WDR3: variants seen among roughly 807,000 people sequenced by gnomAD.
The protein encoded by WDR3 is WD repeat-containing protein 3.
In WDR3, 81 loss-of-function variants were observed where a neutral mutation model predicts 123.7. That is an observed-to-expected ratio of 0.65 (90% confidence interval 0.55 to 0.79). WDR3 has a LOEUF of 0.79. Ranked by LOEUF, WDR3 falls within the 30% of genes least tolerant of loss-of-function variation. The pLI is 0.00. For synonymous variants in WDR3, 390 were observed against 388.8 expected (o/e 1.00, Z -0.04); for missense variants, 1,027 against 1,123.2 (o/e 0.91, Z 1.22).
rs569403883 is a variant in WDR3 at position 117,937,053 on chromosome 1, C to T, written c.500+166C>T. On this transcript the variant is annotated intron_variant, in intron 4 of 26. Transcript: ENST00000349139. Reference sequence around the variant, plus strand: ...ATTTCTTCTAAGTAGTATCGTAGAGCTATCCAAAGCTATATTATTTTTAAA... The same window carrying T: ...ATTTCTTCTAAGTAGTATCGTAGAGTTATCCAAAGCTATATTATTTTTAAA... Among the ~76,000 whole-genome samples, 118 of 152,262 alleles carry T rather than the reference C, an allele frequency of 7.7e-4. 2 individuals are homozygous for T. The highest frequency in any genetic ancestry group is 7.3e-3 in the Admixed American group (112 of 15,302).
chr1:117,944,362 A>G (rs1322584508), intron 11 of WDR3, among the ~76,000 whole-genome samples: 1 of 152,168 alleles, frequency 6.6e-6, no homozygotes, highest in Non-Finnish European at 1.5e-5. Context: ...TATGACGTCT[A>G]AGTGTTAGAG....
intron 4 of WDR3, 78 bp downstream of exon 4, chr1:117,936,965 T>C (rs967823026): frequency 3.6e-5 from 45 of 1,238,580 alleles, no homozygotes; most frequent in Non-Finnish European, 4.8e-5. Flanking sequence ...ATTTCTCTCA[T>C]GAGCAGTGTG....
At position 117,952,418 on chromosome 1, in the gene WDR3, T is replaced by A. The variant is rs1409611168; in HGVS notation, c.2016+10T>A. The stretch of plus-strand genomic sequence containing the variant: ...CATACAGACTCTGGAGGTAACCACA[T>A]GCCTTCTGTGCTTGCTTGGTACTTA... On this transcript the variant is annotated intron_variant, in intron 18 of 26. Transcript: ENST00000349139. 1.1e-5 allele frequency: 17 copies of A among 1,608,356 alleles called. No individual in the cohort carries two copies. Among genetic ancestry groups the A allele is most frequent in the Admixed American group, 1.7e-5 (1 of 59,166 alleles).
chr1:117,952,817 G>T, intron 19 of WDR3, 129 bp from the exon 20 acceptor site: 1 of 1,429,910 alleles, frequency 7.0e-7, no homozygotes, highest in Non-Finnish European at 9.6e-7. Flanking sequence ...CATTTCAGAA[G>T]CTAGGCAGAG....
chr1:117,930,273 C>T (rs960403659), intron 1 of WDR3, among the ~76,000 whole-genome samples: 1 of 152,018 alleles, frequency 6.6e-6, no homozygotes, highest in African/African-American at 2.4e-5. Flanking sequence ...GTGAACAGTG[C>T]AAGTTGTATG....
At position 117,962,354 on chromosome 1, in the gene WDR3, T is replaced by C. The variant is rs900628331; in HGVS notation, c.*2907T>C. ...TTTCTAGTCATTAAGTCAGTATTCA[T>C]TGCCTTAGTCAGCCATTGGCTGTAT... On this transcript the variant is annotated 3_prime_UTR_variant, in exon 27 of 27. Transcript: ENST00000349139. 1 of 152,220 alleles carries C rather than the reference T, an allele frequency of 6.6e-6. No individual in the cohort carries two copies. Among genetic ancestry groups the C allele is most frequent in the Non-Finnish European group, 1.5e-5 (1 of 68,050 alleles). 9.4% of individuals were successfully genotyped at this position (152,220 alleles called of 1,614,324 possible). A position where few individuals can be genotyped will look rare whatever the true frequency, so the allele number is the denominator to read the frequency against.
At chr1:117,950,732 A>T in intron 15 of WDR3, 102 bp from the exon 16 acceptor site, 1 of 1,036,058 alleles carries the variant, frequency 9.7e-7, no homozygotes, top group Middle Eastern at 3.1e-4. Context: ...ACAGATATAA[A>T]GCAATTTAAA....
chr1:117,936,565 CTA>C (rs1176273585), intron 3 of WDR3, among the ~76,000 whole-genome samples: 1 of 152,098 alleles, frequency 6.6e-6, no homozygotes, highest in Non-Finnish European at 1.5e-5. Flanking sequence ...TACATAAAGA[CTA>C]GAGCAATAAC....
chr1:117,942,183 T>G (rs1035741313), intron 9 of WDR3, among the ~76,000 whole-genome samples: 9 of 152,174 alleles, frequency 5.9e-5, no homozygotes, highest in East Asian at 1.9e-4. Context: ...TACAAGAAAT[T>G]TTATGGGCTA....
In WDR3 at chr1:117,952,317, T is replaced by G; in HGVS notation, c.1925T>G (p.Val642Gly). ...HDDSVMYLQF[V>G]PKSHLFFTAG... ...TTCAGTGTGATGTACCTACAGTTTG[T>G]ACCCAAGTCTCACCTCTTCTTCACT... Residue 642 changes from valine to glycine, a missense_variant, in exon 18 of 27, where the codon GTA becomes GGA. Physicochemically the swap from Val to Gly is moderately radical, Grantham distance 109. Coordinates refer to ENST00000349139, the MANE Select transcript of WDR3 (RefSeq NM_006784.3). 1.9e-6 allele frequency: 3 copies of G among 1,612,358 alleles called. No individual in the cohort carries two copies. Among genetic ancestry groups the G allele is most frequent in the Non-Finnish European group, 2.5e-6 (3 of 1,179,158 alleles).
rs1055956906 is a variant in WDR3 at position 117,949,235 on chromosome 1, G to A, written c.1525-516G>A. On this transcript the variant is annotated intron_variant, in intron 13 of 26. Transcript: ENST00000349139. The stretch of plus-strand genomic sequence containing the variant: ...TTTTTCAACAAAACTAGGGATTTAC[G>A]GAAAGGTTGTTTCCTGTGTTATAAA... 3.0e-4 allele frequency among the ~76,000 whole-genome samples: 46 copies of A among 151,912 alleles called. 1 individual carries two copies. The highest frequency in any genetic ancestry group is 2.8e-3 in the Admixed American group (42 of 15,250).
chr1:117,940,754 C>A (rs1651118266), intron 6 of WDR3, 73 bp from the exon 7 acceptor site: 6 of 1,102,752 alleles, frequency 5.4e-6, no homozygotes, highest in South Asian at 1.5e-5. Flanking sequence ...AACAACAAAA[C>A]AACAACAACA....
intron 4 of WDR3, among the ~76,000 whole-genome samples, chr1:117,937,680 T>G (rs1650993505): frequency 6.6e-6 from 1 of 152,164 alleles, no homozygotes; most frequent in African/African-American, 2.4e-5. Flanking sequence ...TGGGACGGAC[T>G]TTGTAAATCA....
At position 117,946,717 on chromosome 1, in the gene WDR3, G is replaced by A. The variant is rs149357429; in HGVS notation, c.1422+538G>A. On this transcript the variant is annotated intron_variant, in intron 12 of 26. Transcript: ENST00000349139. ...AGCACTTTGGGAGGCCGAGGCAGGC[G>A]GATCACAAGGTCAGGAGATCGAGAC... 3.8e-3 allele frequency among the ~76,000 whole-genome samples: 573 copies of A among 151,888 alleles called. 22 individuals carry two copies. The East Asian group carries it at 0.069, about 18-fold the overall frequency.
chr1:117,948,346 T>C (rs1651481501), intron 12 of WDR3, 59 bp from the exon 13 acceptor site: 1 of 1,473,798 alleles, frequency 6.8e-7, no homozygotes, highest in Non-Finnish European at 9.4e-7. Context: ...TGTGCAGTCA[T>C]GAATCATGGA....
At chr1:117,957,862 A>G (rs150890711) in intron 25 of WDR3, among the ~76,000 whole-genome samples, 51 of 152,330 alleles carry the variant, frequency 3.3e-4, no homozygotes, top group African/African-American at 1.1e-3. Flanking sequence ...ATTTTAAGAA[A>G]GTCAGTTTAT....
chr1:117,931,841 C>A (rs187445354), intron 1 of WDR3, among the ~76,000 whole-genome samples: 1 of 152,126 alleles, frequency 6.6e-6, no homozygotes, highest in Non-Finnish European at 1.5e-5. Context: ...TATGTTGGTT[C>A]CTGTGAGAGA....
chr1:117,950,261 C>A, intron 15 of WDR3, 131 bp downstream of exon 15: 1 of 1,123,964 alleles, frequency 8.9e-7, no homozygotes, highest in Non-Finnish European at 1.2e-6. Context: ...GTGTGTGAAT[C>A]AAAGCAATGT....
rs972444607 is a variant in WDR3, at chr1:117,959,881, G to C, written c.*434G>C. 1 of 153,034 alleles carries C rather than the reference G, an allele frequency of 6.5e-6. No individual in the cohort carries two copies. The highest frequency in any genetic ancestry group is 1.5e-5 in the Non-Finnish European group (1 of 68,694). 9.5% of individuals were successfully genotyped at this position (153,034 alleles called of 1,614,324 possible). ...TATTGAGACAACCAGGTGCATAATT[G>C]ATTGCCCTTTGGCCATAAAAATGCA... On this transcript the variant is annotated 3_prime_UTR_variant, in exon 27 of 27. Transcript: ENST00000349139.
Sources: gnomAD v4.1 joint callset for allele counts (sites outside exome capture counted in the v4.1 genomes callset) on GRCh38, gnomAD v4.1.1 for gene constraint, MANE v1.5 for transcripts, NCBI Gene and HGNC (gene_info 2026-07-23, HGNC 2026-07-21) for gene names.